Variants in ITGB3BP observed in about 807,000 individuals in gnomAD.
The protein encoded by ITGB3BP is centromere protein R.
In ITGB3BP, 27 loss-of-function variants were observed where a neutral mutation model predicts 29.1. The observed-to-expected ratio is 0.93, with a 90% CI of 0.68 to 1.28. The LOEUF is 1.28. Among genes scored for constraint, ITGB3BP ranks in the 50% most tolerant of loss-of-function variants. The probability of loss-of-function intolerance (pLI) is 0.00; values close to 1 mark genes in which losing one functional copy is unlikely to be tolerated. For missense variants in ITGB3BP, 192 were observed against 200.2 expected (o/e 0.96, Z 0.25); for synonymous variants, 61 against 61.4 (o/e 0.99, Z 0.03).
At chr1:63,493,372 G>A (rs11806253) in intron 2 of ITGB3BP, among the ~76,000 whole-genome samples, 2,737 of 152,030 alleles carry the variant, frequency 0.018, 78 homozygotes, top group African/African-American at 0.063. Context: ...CCAAGATCAC[G>A]CCACCGCACT....
At chr1:63,505,966 G>C (rs527350641) in intron 2 of ITGB3BP, among the ~76,000 whole-genome samples, 8 of 152,300 alleles carry the variant, frequency 5.3e-5, no homozygotes, top group African/African-American at 1.9e-4. Flanking sequence ...AGTGTGGTGT[G>C]GTGCTGAGAA....
At position 63,460,026 on chromosome 1, in the gene ITGB3BP, AAT is replaced by A. The variant is rs1491330267; in HGVS notation, c.255-5060_255-5059del. Among the ~76,000 whole-genome samples, 4 of 152,096 alleles carry A rather than the reference AAT, an allele frequency of 2.6e-5. No individual in the cohort carries two copies. In the East Asian group the frequency reaches 5.8e-4, roughly 22 times the overall value. On this transcript the variant is annotated intron_variant, in intron 4 of 8. Transcript: ENST00000271002. ...ATTGACATTCTTTGTCAAAAAAAAA[AAT>A]TCCCCCCCGTGTTTAGCTCTATTTA...
At chr1:63,464,055 G>A (rs1042258220) in intron 4 of ITGB3BP, among the ~76,000 whole-genome samples, 14 of 152,100 alleles carry the variant, frequency 9.2e-5, no homozygotes, top group Admixed American at 8.5e-4. Flanking sequence ...ACAAGAAATA[G>A]GTAGAAGGAA....
intron 8 of ITGB3BP, among the ~76,000 whole-genome samples, chr1:63,445,593 G>C (rs2100468141): frequency 6.6e-6 from 1 of 151,588 alleles, no homozygotes; most frequent in Admixed American, 6.6e-5. Flanking sequence ...CACCTGGTAA[G>C]CTAAGAATTC....
intron 1 of ITGB3BP, among the ~76,000 whole-genome samples, chr1:63,512,703 T>C (rs1265767964): frequency 1.3e-5 from 2 of 152,066 alleles, no homozygotes; most frequent in African/African-American, 4.8e-5. Flanking sequence ...TAGTAAGAAA[T>C]TTCTGAGTGG....
chr1:63,488,119 G>A (rs1047566390), intron 3 of ITGB3BP, among the ~76,000 whole-genome samples: 1 of 152,044 alleles, frequency 6.6e-6, no homozygotes, highest in Non-Finnish European at 1.5e-5. Context: ...ACTACAAATG[G>A]ATTTAAATAT....
Position 63,521,456 on chromosome 1 carries a change from T to A in ITGB3BP, c.5+1673A>T, listed in dbSNP as rs369140725. On this transcript the variant is annotated intron_variant, in intron 1 of 8. Coordinates refer to ENST00000271002, the MANE Select transcript of ITGB3BP (RefSeq NM_014288.5). ...GATGTTAACCTCAACTTTAAGGTTG[T>A]GTATTTATTACCAGAATATACTTAT... is the stretch of plus-strand genomic sequence containing the variant. Among the ~76,000 whole-genome samples, 297 of 152,310 alleles carry A rather than the reference T, an allele frequency of 1.9e-3. 11 individuals carry two copies. In the South Asian group the frequency reaches 0.06, roughly 31 times the overall value.
At chr1:63,474,053 G>A (rs1210305321) in intron 4 of ITGB3BP, among the ~76,000 whole-genome samples, 4 of 15,730 alleles carry the variant, frequency 2.5e-4, no homozygotes, top group African/African-American at 5.6e-4. Context: ...CGGCCGCCCC[G>A]TCCGGGAGGT....
chr1:63,447,644 A>G (rs930217245), intron 7 of ITGB3BP: 1 of 481,310 alleles, frequency 2.1e-6, no homozygotes, highest in Admixed American at 2.2e-5. Context: ...TTTGTAAGAC[A>G]GAGAAAAAAG....
intron 2 of ITGB3BP, among the ~76,000 whole-genome samples, chr1:63,498,013 A>T (rs931958803): frequency 2.6e-5 from 4 of 152,226 alleles, no homozygotes; most frequent in African/African-American, 9.6e-5. Flanking sequence ...ATATACAATT[A>T]TAAACATAAA....
At chr1:63,476,875 T>G (rs145245275) in intron 4 of ITGB3BP, among the ~76,000 whole-genome samples, 8 of 152,362 alleles carry the variant, frequency 5.3e-5, no homozygotes, top group African/African-American at 1.9e-4. Flanking sequence ...TTTGTATAAT[T>G]TGAACTTTTT....
At chr1:63,522,946 A>G (rs769132936) in intron 1 of ITGB3BP, 183 bp downstream of exon 1, 256 of 790,106 alleles carry the variant, frequency 3.2e-4, no homozygotes, top group Non-Finnish European at 5.2e-4. Context: ...GGACTATCGT[A>G]TGAGTACCGC....
upstream of ITGB3BP, among the ~76,000 whole-genome samples, chr1:63,527,028 G>T (rs1361165273): frequency 1.3e-5 from 2 of 152,208 alleles, no homozygotes; most frequent in Admixed American, 6.5e-5. Context: ...GCCTCCCAAA[G>T]TGCTGGCATT....
chr1:63,503,231 A>C (rs1163116170), intron 2 of ITGB3BP, among the ~76,000 whole-genome samples: 8 of 151,986 alleles, frequency 5.3e-5, no homozygotes, highest in Admixed American at 5.2e-4. Flanking sequence ...ATGATATCTC[A>C]TTGTGGTTTT....
At chr1:63,486,199 G>A (rs1420167644) in intron 3 of ITGB3BP, among the ~76,000 whole-genome samples, 1 of 151,844 alleles carries the variant, frequency 6.6e-6, no homozygotes, top group South Asian at 2.1e-4. Flanking sequence ...TACTCTCTTC[G>A]ACTATGCAAA....
At chr1:63,460,735 G>A (rs1373004896) in intron 4 of ITGB3BP, among the ~76,000 whole-genome samples, 1 of 152,112 alleles carries the variant, frequency 6.6e-6, no homozygotes, top group African/African-American at 2.4e-5. Flanking sequence ...TTCCACAGGA[G>A]CTACAATGTA....
Position 63,490,083 on chromosome 1 carries a change from C to G in ITGB3BP, c.184G>C (p.Glu62Gln). 6.2e-7 allele frequency: 1 copy of G among 1,607,916 alleles called. No individual in the cohort carries two copies. The highest frequency in any genetic ancestry group is 8.5e-7 in the Non-Finnish European group (1 of 1,177,444). The change falls in exon 3 of 9, where the codon GAA becomes CAA. Residue 62 changes from glutamate to glutamine, a missense_variant and splice_region_variant. By Grantham distance (29) the Glu-to-Gln change is conservative. Coordinates refer to ENST00000271002, the MANE Select transcript of ITGB3BP (RefSeq NM_014288.5). ...EQKHRNGLSN[E>Q]KRKKLNHPSL... ...AAGTAGAAAAGAATGTTCAACTAAC[C>G]ATTTGATAGTCCATTTCTGTGCTTT...
chr1:63,487,439 T>C (rs985848045), intron 3 of ITGB3BP, among the ~76,000 whole-genome samples: 3 of 152,104 alleles, frequency 2.0e-5, no homozygotes, highest in African/African-American at 7.2e-5. Flanking sequence ...TATAGAGTTA[T>C]GTGTCACTTA....
chr1:63,469,479 C>T (rs1330956173), intron 4 of ITGB3BP, among the ~76,000 whole-genome samples: 2 of 152,036 alleles, frequency 1.3e-5, no homozygotes, highest in Non-Finnish European at 2.9e-5. Flanking sequence ...GACATGGGCA[C>T]CATGCCCAGC....
Sources: gnomAD v4.1 joint callset for allele counts (sites outside exome capture counted in the v4.1 genomes callset) on GRCh38, gnomAD v4.1.1 for gene constraint, MANE v1.5 for transcripts, NCBI Gene and HGNC (gene_info 2026-07-23, HGNC 2026-07-21) for gene names.